The following ZFHX3 variants were observed in gnomAD, a reference collection of about 807,000 sequenced individuals.
ZFHX3 encodes zinc finger homeobox 3.
In ZFHX3, 42 loss-of-function variants were observed where a neutral mutation model predicts 279.1. The ratio of observed to expected loss-of-function variants is 0.15; its 90% CI spans 0.12 to 0.19. ZFHX3 has a LOEUF of 0.19. Ranked by LOEUF, ZFHX3 falls within the 10% of genes least tolerant of loss-of-function variation. ZFHX3 has a pLI of 1.00. For missense variants in ZFHX3, 4,981 were observed against 4,754.0 expected (o/e 1.05, Z -1.40); for synonymous variants, 2,293 against 1,957.8 (o/e 1.17, Z -4.52).
intron 3 of ZFHX3, among the ~76,000 whole-genome samples, chr16:72,933,868 T>C (rs1017815327): frequency 2.1e-5 from 3 of 145,304 alleles, no homozygotes; most frequent in African/African-American, 5.0e-5. Context: ...GCCCAGGCTG[T>C]AGTGCAGTGT....
intron 5 of ZFHX3, among the ~76,000 whole-genome samples, chr16:73,145,312 T>C (rs539216479): frequency 2.6e-5 from 4 of 152,162 alleles, no homozygotes; most frequent in Non-Finnish European, 5.9e-5. Context: ...GTGTAGCCAA[T>C]GTCAGGGTCC....
At chr16:73,078,034 A>T (rs1273417340) in intron 8 of ZFHX3, among the ~76,000 whole-genome samples, 1 of 152,110 alleles carries the variant, frequency 6.6e-6, no homozygotes, top group African/African-American at 2.4e-5. Flanking sequence ...CGAACTCCTG[A>T]CCTTGGGTGG....
chr16:72,912,220 G>A (rs1170991611), intron 3 of ZFHX3, among the ~76,000 whole-genome samples: 1 of 152,160 alleles, frequency 6.6e-6, no homozygotes, highest in South Asian at 2.1e-4. Flanking sequence ...CTCAGGTGCC[G>A]CTGGGAGCAA....
At chr16:73,865,048 C>T (rs1230820179) in intron 1 of ZFHX3, among the ~76,000 whole-genome samples, 1 of 152,220 alleles carries the variant, frequency 6.6e-6, no homozygotes. Flanking sequence ...TGTCAACAAG[C>T]CCAGGCTAGC....
Position 72,839,585 on chromosome 16 carries a change from G to A in ZFHX3, c.3449-9726C>T, listed in dbSNP as rs567023801. ...CTGAGAAAGAGAGGAGGATGAGAGA[G>A]AGGAAACAGTAATGTCTTAAAGACA... On this transcript the variant is annotated intron_variant, in intron 4 of 9. Coordinates refer to ENST00000268489, the MANE Select transcript of ZFHX3 (RefSeq NM_006885.4). Among the ~76,000 whole-genome samples the A allele has an allele frequency of 1.3e-5, 2 of 152,158 alleles. 1 individual carries two copies. Among genetic ancestry groups the A allele is most frequent in the East Asian group, 3.9e-4 (2 of 5,164 alleles).
rs2035326045 is a variant in ZFHX3 at position 72,785,478 on chromosome 16, T to C, written c.*1686A>G. 1 of 152,652 alleles carries C rather than the reference T, an allele frequency of 6.6e-6. No individual in the cohort carries two copies. The highest frequency in any genetic ancestry group is 2.1e-4 in the South Asian group (1 of 4,826). The allele number at this position is 152,652 out of a possible 1,614,324, so 9.5% of individuals were successfully genotyped here. On this transcript the variant is annotated 3_prime_UTR_variant, in exon 10 of 10. Transcript: ENST00000268489. ...CCTCTCTGCTTGCAGAAGAAGCACA[T>C]AACAACCTGGGAATCTTTTGTTTTT... is the stretch of plus-strand genomic sequence containing the variant.
intron 1 of ZFHX3, among the ~76,000 whole-genome samples, chr16:73,814,129 T>C (rs1960498655): frequency 1.3e-5 from 2 of 152,234 alleles, no homozygotes; most frequent in Admixed American, 1.3e-4. Context: ...ATAAGAATGC[T>C]GAATGGGATC....
At chr16:73,503,615 C>T (rs532966920) in intron 2 of ZFHX3, among the ~76,000 whole-genome samples, 73 of 152,194 alleles carry the variant, frequency 4.8e-4, no homozygotes, top group African/African-American at 1.6e-3. Context: ...TTTGATTTAC[C>T]TGGAGGCATG....
chr16:72,880,334 G>C (rs1016586188), intron 4 of ZFHX3, among the ~76,000 whole-genome samples: 1 of 152,204 alleles, frequency 6.6e-6, no homozygotes, highest in Non-Finnish European at 1.5e-5. Flanking sequence ...CAGTACCTGA[G>C]GATGTAGCTA....
chr16:72,970,881 A>AT (rs1170795295), intron 1 of ZFHX3, among the ~76,000 whole-genome samples: 3 of 152,256 alleles, frequency 2.0e-5, no homozygotes, highest in Admixed American at 6.5e-5. Context: ...CTGGCATGTC[A>AT]TGATGTCAAA....
At chr16:72,979,458 A>C (rs1962494170) in intron 1 of ZFHX3, among the ~76,000 whole-genome samples, 1 of 152,226 alleles carries the variant, frequency 6.6e-6, no homozygotes, top group Admixed American at 6.5e-5. Context: ...GGATCACAGA[A>C]GAACCAGGGC....
chr16:73,149,629 C>G (rs1202578281), intron 5 of ZFHX3, among the ~76,000 whole-genome samples: 1 of 152,192 alleles, frequency 6.6e-6, no homozygotes. Flanking sequence ...AGTGACACCA[C>G]TGCTCAAAAC....
chr16:73,427,576 T>A (rs534318600), intron 3 of ZFHX3, among the ~76,000 whole-genome samples: 1 of 152,230 alleles, frequency 6.6e-6, no homozygotes, highest in Admixed American at 6.5e-5. Flanking sequence ...ATGAGTCCTG[T>A]GCCCTGCACG....
intron 1 of ZFHX3, among the ~76,000 whole-genome samples, chr16:73,799,735 C>T (rs569827087): frequency 3.9e-5 from 6 of 152,148 alleles, no homozygotes; most frequent in Admixed American, 6.5e-5. Context: ...ACCCCAAAGG[C>T]GATCTCCTGT....
intron 2 of ZFHX3, among the ~76,000 whole-genome samples, chr16:73,517,112 C>T (rs2019536290): frequency 6.6e-6 from 1 of 152,180 alleles, no homozygotes; most frequent in Non-Finnish European, 1.5e-5. Flanking sequence ...TTCCTTCAGT[C>T]TCGCTTTACT....
At chr16:73,884,095 G>T (rs1342561179) in intron 1 of ZFHX3, among the ~76,000 whole-genome samples, 1 of 152,144 alleles carries the variant, frequency 6.6e-6, no homozygotes, top group East Asian at 1.9e-4. Context: ...GTAGTTTCCA[G>T]CACACTGTGA....
At chr16:72,839,284 C>T (rs2037283576) in intron 4 of ZFHX3, among the ~76,000 whole-genome samples, 2 of 151,998 alleles carry the variant, frequency 1.3e-5, no homozygotes, top group African/African-American at 4.8e-5. Context: ...TCTGGGAGCT[C>T]AGCGGATTTG....
intron 7 of ZFHX3, among the ~76,000 whole-genome samples, chr16:73,102,841 T>C (rs967323011): frequency 2.0e-5 from 3 of 152,216 alleles, no homozygotes; most frequent in Non-Finnish European, 4.4e-5. Flanking sequence ...AAAACAAACG[T>C]AAGTACTTAA....
chr16:72,861,181 A>G lies in ZFHX3; in HGVS notation c.3448+28550T>C, dbSNP rs2037880874. ...TTGGTACCAACTGTCCCCTACAGCC[A>G]CTGGGCTGTCTTGTCACACATTGCC... On this transcript the variant is annotated intron_variant, in intron 4 of 9. Coordinates refer to ENST00000268489, the MANE Select transcript of ZFHX3 (RefSeq NM_006885.4). Among the ~76,000 whole-genome samples the G allele has an allele frequency of 2.6e-5, 4 of 152,192 alleles. No homozygotes were observed. In the South Asian group the frequency reaches 8.3e-4, roughly 32 times the overall value.
Sources: allele counts gnomAD v4.1 joint callset (sites outside exome capture counted in the v4.1 genomes callset), GRCh38; gene constraint gnomAD v4.1.1; transcripts MANE v1.5; gene names NCBI Gene and HGNC (gene_info 2026-07-23, HGNC 2026-07-21).